MB21D2: variants seen among roughly 807,000 people sequenced by gnomAD.
MB21D2 encodes Mab-21 domain containing 2, also known as nucleotidyltransferase MB21D2.
MB21D2 carries 9 observed loss-of-function variants against 33.3 expected under a neutral mutation model. The observed-to-expected ratio is 0.27, with a 90% confidence interval of 0.16 to 0.47. The LOEUF (loss-of-function observed/expected upper bound fraction) is 0.47, where lower values mean the gene tolerates loss of function less well. Among genes scored for constraint, MB21D2 ranks in the 20% least tolerant of loss-of-function variants. The probability of loss-of-function intolerance (pLI) is 0.99; values close to 1 mark genes in which losing one functional copy is unlikely to be tolerated. For synonymous variants in MB21D2, 241 were observed against 236.3 expected (o/e 1.02, Z -0.18); for missense variants, 540 against 624.6 (o/e 0.86, Z 1.44).
At chr3:192,851,988 T>C (rs555811995) in intron 1 of MB21D2, among the ~76,000 whole-genome samples, 21 of 152,282 alleles carry the variant, frequency 1.4e-4, no homozygotes, top group Non-Finnish European at 2.6e-4. Context: ...CTAGAACAAC[T>C]GGGCAGCTTC....
rs763855940 is a variant in MB21D2, at chr3:192,798,790, A to C, written c.1072T>G (p.Leu358Val). The C allele has an allele frequency of 6.2e-7, 1 of 1,612,888 alleles. No homozygotes were observed. The highest frequency in any genetic ancestry group is 2.2e-5 in the East Asian group (1 of 44,872). The change falls in exon 2 of 2, where the codon TTG becomes GTG. Residue 358 changes from leucine (L) to valine (V), a missense_variant. Leu to Val is a conservative substitution (Grantham distance 32). Coordinates refer to ENST00000392452, the MANE Select transcript of MB21D2 (RefSeq NM_178496.4). This position sits in a 1 kb window ranked among gnomAD's most constrained non-coding sequence, Gnocchi z 4.8. Reference protein sequence around the residue: ...LAQEDYAAHFLLGLIDDLQHC... With the variant: ...LAQEDYAAHFVLGLIDDLQHC... Reference sequence around the variant, plus strand: ...TGCAGGTCATCGATGAGGCCCAGCAAAAAGTGGGCTGCATAGTCTTCTTGA... The same window carrying C: ...TGCAGGTCATCGATGAGGCCCAGCACAAAGTGGGCTGCATAGTCTTCTTGA...
At chr3:192,861,132 T>C (rs1361906384) in intron 1 of MB21D2, among the ~76,000 whole-genome samples, 1 of 152,198 alleles carries the variant, frequency 6.6e-6, no homozygotes, top group African/African-American at 2.4e-5. Flanking sequence ...GTTGATGCTA[T>C]TATTAACCCA....
At chr3:192,807,262 T>C (rs1047966551) in intron 1 of MB21D2, among the ~76,000 whole-genome samples, 3 of 149,524 alleles carry the variant, frequency 2.0e-5, no homozygotes, top group East Asian at 2.0e-4. Flanking sequence ...AAAGTCACAA[T>C]AGGGTACAAA....
At chr3:192,874,151 C>T (rs1713379894) in intron 1 of MB21D2, among the ~76,000 whole-genome samples, 1 of 152,128 alleles carries the variant, frequency 6.6e-6, no homozygotes, top group Non-Finnish European at 1.5e-5. Context: ...TCCAGGGGGT[C>T]TAGCAATTTC....
intron 1 of MB21D2, among the ~76,000 whole-genome samples, chr3:192,810,825 T>C (rs898078107): frequency 1.3e-5 from 2 of 152,192 alleles, no homozygotes; most frequent in African/African-American, 4.8e-5. Context: ...AAATTAATAG[T>C]TCCTATTATT....
intron 1 of MB21D2, among the ~76,000 whole-genome samples, chr3:192,829,287 C>T (rs1188983132): frequency 1.3e-5 from 2 of 152,266 alleles, no homozygotes; most frequent in African/African-American, 2.4e-5. Context: ...ATCCATTCAC[C>T]GTTTTCTGGG....
chr3:192,874,097 A>T (rs1418666251), intron 1 of MB21D2, among the ~76,000 whole-genome samples: 1 of 152,212 alleles, frequency 6.6e-6, no homozygotes, highest in African/African-American at 2.4e-5. Context: ...CAAAGACCAA[A>T]GACGGGTACA....
chr3:192,855,894 G>A (rs543417454), intron 1 of MB21D2, among the ~76,000 whole-genome samples: 30 of 152,292 alleles, frequency 2.0e-4, no homozygotes, highest in African/African-American at 5.5e-4. Flanking sequence ...CCAACATGGC[G>A]AAAGCCCATC....
intron 1 of MB21D2, among the ~76,000 whole-genome samples, chr3:192,820,118 G>T (rs975090285): frequency 6.6e-6 from 1 of 152,148 alleles, no homozygotes; most frequent in African/African-American, 2.4e-5. Context: ...TGTGGGGAGA[G>T]AAAGGGGAGG....
At chr3:192,915,681 C>T (rs1280957328) in intron 1 of MB21D2, among the ~76,000 whole-genome samples, 1 of 152,148 alleles carries the variant, frequency 6.6e-6, no homozygotes, top group Non-Finnish European at 1.5e-5. Flanking sequence ...TAAACACATG[C>T]AAAAATTAAG....
chr3:192,814,568 TA>T lies in MB21D2; in HGVS notation c.212-14919del, dbSNP rs552935802. On this transcript the variant is annotated intron_variant, in intron 1 of 1. Transcript: ENST00000392452. ...GTTTTTAAATCCATGCCTGCTCAAT[TA>T]AAAAAAGTCTTGGGCGGGCGCGGTG... Among the ~76,000 whole-genome samples the T allele has an allele frequency of 7.8e-4, 119 of 152,032 alleles. 1 individual carries two copies. Among genetic ancestry groups the T allele is most frequent in the African/African-American group, 2.6e-3 (108 of 41,454 alleles).
At position 192,798,671 on chromosome 3, in the gene MB21D2, G is replaced by C. The variant is rs1188387337; in HGVS notation, c.1191C>G (p.Ala397=). ...HLSEETVMLH[A]RKLSSVRSDP... ...CTGAGCGCACAGAGGACAGCTTCCG[G>C]GCGTGAAGCATGACTGTCTCCTCAG... The change falls in exon 2 of 2, where the codon GCC becomes GCG. Residue 397 remains alanine, a synonymous_variant. Transcript: ENST00000392452. This position sits in a 1 kb window ranked among gnomAD's most constrained non-coding sequence, Gnocchi z 4.8. 6 of 1,613,376 alleles carry C rather than the reference G, an allele frequency of 3.7e-6. No individual in the cohort carries two copies. The highest frequency in any genetic ancestry group is 5.1e-6 in the Non-Finnish European group (6 of 1,180,028).
rs116647694 is a variant in MB21D2 at position 192,841,430 on chromosome 3, T to C, written c.212-41780A>G. ...GTTATAAAAGGCATTGCAGCTTCAA[T>C]CTTAGTCTTTTGTCTGTCTGTCTTT... On this transcript the variant is annotated intron_variant, in intron 1 of 1. Coordinates refer to ENST00000392452, the MANE Select transcript of MB21D2 (RefSeq NM_178496.4). Among the ~76,000 whole-genome samples the C allele has an allele frequency of 3.7e-3, 557 of 152,356 alleles. 5 individuals carry two copies. Among genetic ancestry groups the C allele is most frequent in the African/African-American group, 0.013 (520 of 41,590 alleles).
At chr3:192,886,164 C>T (rs1258252405) in intron 1 of MB21D2, among the ~76,000 whole-genome samples, 1 of 151,934 alleles carries the variant, frequency 6.6e-6, no homozygotes, top group African/African-American at 2.4e-5. Context: ...TTCACCATCT[C>T]GGTCAGGCTG....
chr3:192,798,220 A>G lies in MB21D2; in HGVS notation c.*166T>C, dbSNP rs1424204964. On this transcript the variant is annotated 3_prime_UTR_variant, in exon 2 of 2. Transcript: ENST00000392452. This position sits in a 1 kb window ranked among gnomAD's most constrained non-coding sequence, Gnocchi z 4.8. Reference sequence around the variant, plus strand: ...CAGAGGCAGAATATGAAATAGTAATATACTGTTTCAGAGCCTGCACCATCC... The same window carrying G: ...CAGAGGCAGAATATGAAATAGTAATGTACTGTTTCAGAGCCTGCACCATCC... 2.1e-5 allele frequency: 14 copies of G among 678,296 alleles called. No homozygotes were observed. Among genetic ancestry groups the G allele is most frequent in the Non-Finnish European group, 3.4e-5 (14 of 408,892 alleles). 42.0% of individuals were successfully genotyped at this position (678,296 alleles called of 1,614,324 possible). A position where few individuals can be genotyped will look rare whatever the true frequency, so the allele number is the denominator to read the frequency against.
chr3:192,876,680 T>A (rs543063380), intron 1 of MB21D2, among the ~76,000 whole-genome samples: 1 of 152,334 alleles, frequency 6.6e-6, no homozygotes, highest in Admixed American at 6.5e-5. Flanking sequence ...ACTTCCCTAG[T>A]TATACTAAGC....
chr3:192,841,878 T>C (rs2108625656), intron 1 of MB21D2, among the ~76,000 whole-genome samples: 1 of 152,272 alleles, frequency 6.6e-6, no homozygotes, highest in South Asian at 2.1e-4. Context: ...AGGATGAGTT[T>C]GTAAGAAGTG....
At chr3:192,810,847 T>A (rs1285007784) in intron 1 of MB21D2, among the ~76,000 whole-genome samples, 1 of 152,096 alleles carries the variant, frequency 6.6e-6, no homozygotes, top group African/African-American at 2.4e-5. Context: ...CAGACCTCAC[T>A]TGAATTTACA....
intron 1 of MB21D2, among the ~76,000 whole-genome samples, chr3:192,816,455 TC>T (rs758381940): frequency 6.6e-6 from 1 of 152,186 alleles, no homozygotes; most frequent in Non-Finnish European, 1.5e-5. Context: ...TTTCAGTCTT[TC>T]CACTAGAGGT....
Sources: gnomAD v4.1 joint callset for allele counts (sites outside exome capture counted in the v4.1 genomes callset) on GRCh38, gnomAD v4.1.1 for gene constraint, Gnocchi (gnomAD v3.1) non-coding constraint, MANE v1.5 for transcripts, NCBI Gene and HGNC (gene_info 2026-07-23, HGNC 2026-07-21) for gene names.